Variants in SCIN observed in about 807,000 individuals in gnomAD.
SCIN encodes adseverin.
SCIN carries 91 observed loss-of-function variants against 91.8 expected under a neutral mutation model. The ratio of observed to expected loss-of-function variants is 0.99; its 90% CI spans 0.84 to 1.18. SCIN has a LOEUF of 1.18. Among genes scored for constraint, SCIN ranks in the 50% most tolerant of loss-of-function variants. The pLI, the probability that SCIN is intolerant of heterozygous loss-of-function variation, is 0.00. For synonymous variants in SCIN, 367 were observed against 312.6 expected (o/e 1.17, Z -1.84); for missense variants, 1,087 against 863.9 (o/e 1.26, Z -3.24).
intron 13 of SCIN, among the ~76,000 whole-genome samples, chr7:12,646,699 A>T (rs1358679778): frequency 1.3e-5 from 2 of 152,230 alleles, no homozygotes; most frequent in African/African-American, 4.8e-5. Context: ...TCTTTTATAT[A>T]AAATTTGATC....
intron 14 of SCIN, among the ~76,000 whole-genome samples, chr7:12,650,478 C>A (rs999067238): frequency 2.6e-5 from 4 of 152,174 alleles, no homozygotes; most frequent in African/African-American, 7.2e-5. Flanking sequence ...ATTTCCCATG[C>A]CACATTTCAT....
At chr7:12,575,227 T>G (rs1343677185) in intron 1 of SCIN, among the ~76,000 whole-genome samples, 1 of 151,884 alleles carries the variant, frequency 6.6e-6, no homozygotes, top group Non-Finnish European at 1.5e-5. Context: ...TTTTTATTTC[T>G]AGGAGAGTTT....
At chr7:12,602,054 G>A (rs762858600) in intron 3 of SCIN, among the ~76,000 whole-genome samples, 4 of 152,078 alleles carry the variant, frequency 2.6e-5, no homozygotes, top group South Asian at 2.1e-4. Context: ...GCCAGATATC[G>A]GCGGAACCCG....
At chr7:12,625,915 A>G (rs2115274532) in intron 7 of SCIN, 65 bp downstream of exon 7, 1 of 1,181,912 alleles carries the variant, frequency 8.5e-7, no homozygotes, top group Middle Eastern at 2.0e-4. Context: ...CATCTCCACG[A>G]AACTCATGAA....
intron 4 of SCIN, 104 bp downstream of exon 4, chr7:12,604,767 AAG>A: frequency 1.0e-6 from 1 of 958,410 alleles, no homozygotes. Context: ...AAGAAGGGGA[AAG>A]AGATTCAACA....
At chr7:12,621,484 T>G (rs78943937) in intron 4 of SCIN, among the ~76,000 whole-genome samples, 5,779 of 152,214 alleles carry the variant, frequency 0.038, 132 homozygotes, top group Non-Finnish European at 0.057. Flanking sequence ...ATATTAGATA[T>G]GCCCTTAACA....
intron 7 of SCIN, 85 bp from the exon 8 acceptor site, chr7:12,626,499 C>A (rs900874645): frequency 9.3e-7 from 1 of 1,079,626 alleles, no homozygotes; most frequent in Non-Finnish European, 1.3e-6. Context: ...TTTCCATTTC[C>A]TTACTTTTGT....
intron 1 of SCIN, among the ~76,000 whole-genome samples, chr7:12,572,993 CAG>C (rs1488672473): frequency 6.6e-6 from 1 of 151,644 alleles, no homozygotes; most frequent in Non-Finnish European, 1.5e-5. Context: ...TATTGGGAAA[CAG>C]AAGCCTTTAG....
chr7:12,624,525 G>C (rs1783472876), intron 5 of SCIN, among the ~76,000 whole-genome samples: 1 of 152,180 alleles, frequency 6.6e-6, no homozygotes, highest in African/African-American at 2.4e-5. Flanking sequence ...GTATATGGTA[G>C]ACAGTAAATG....
intron 3 of SCIN, among the ~76,000 whole-genome samples, chr7:12,588,277 G>A (rs1400215641): frequency 6.6e-6 from 1 of 152,214 alleles, no homozygotes; most frequent in Non-Finnish European, 1.5e-5. Context: ...CGTGCCGAGT[G>A]AATAGAATTG....
At chr7:12,627,588 G>T (rs1783553230) in intron 8 of SCIN, among the ~76,000 whole-genome samples, 1 of 152,166 alleles carries the variant, frequency 6.6e-6, no homozygotes. Context: ...ATATGGTCAA[G>T]AAATTAGGGA....
chr7:12,571,158 T>C (rs1371617853), intron 1 of SCIN, 173 bp downstream of exon 1: 1 of 693,824 alleles, frequency 1.4e-6, no homozygotes, highest in African/African-American at 1.8e-5. Context: ...CGAAGTCAAC[T>C]CGCCGGCTGC....
At chr7:12,574,857 C>G (rs1010584447) in intron 1 of SCIN, among the ~76,000 whole-genome samples, 1 of 152,006 alleles carries the variant, frequency 6.6e-6, no homozygotes, top group African/African-American at 2.4e-5. Context: ...TGCAATAAGC[C>G]TGTATATGTC....
chr7:12,646,614 CA>C lies in SCIN; in HGVS notation c.1881+1919del, dbSNP rs1300165183. ...GAACCACAGCCTCTCACCTAAATTTCAAAAAAAAAAGTTATACTTTCTCTGT... is the reference window on the plus strand; with the variant it reads ...GAACCACAGCCTCTCACCTAAATTTCAAAAAAAAAGTTATACTTTCTCTGT... On this transcript the variant is annotated intron_variant, in intron 13 of 15. Transcript: ENST00000297029. Among the ~76,000 whole-genome samples the C allele has an allele frequency of 2.9e-4, 43 of 148,486 alleles. 3 individuals are homozygous for C. Among genetic ancestry groups the C allele is most frequent in the Admixed American group, 2.0e-3 (30 of 14,936 alleles).
chr7:12,606,442 A>G (rs1783081329), intron 4 of SCIN, among the ~76,000 whole-genome samples: 1 of 152,216 alleles, frequency 6.6e-6, no homozygotes, highest in Admixed American at 6.5e-5. Flanking sequence ...AAATCCAGTG[A>G]TCAGAAATTA....
intron 4 of SCIN, among the ~76,000 whole-genome samples, chr7:12,615,514 C>T (rs1783280638): frequency 6.6e-6 from 1 of 152,234 alleles, no homozygotes; most frequent in African/African-American, 2.4e-5. Flanking sequence ...CATCCCCAGC[C>T]ATGCGGAACG....
At chr7:12,596,163 G>C (rs1331250106) in intron 3 of SCIN, 2 of 302,912 alleles carry the variant, frequency 6.6e-6, no homozygotes, top group Non-Finnish European at 1.3e-5. Context: ...CCCTTAGGGT[G>C]GGCTGCCTTC....
chr7:12,622,810 G>T lies in SCIN; in HGVS notation c.676G>T (p.Glu226Ter), dbSNP rs1378107106. The T allele has an allele frequency of 6.2e-7, 1 of 1,612,742 alleles. No homozygotes were observed. The highest frequency in any genetic ancestry group is 2.2e-5 in the East Asian group (1 of 44,836). ...GCTCACTTTTTTCCAGGTCTTAGGGGAAAAGCCAGAGCTTCCAGATGGAGG... is the reference window on the plus strand; with the variant it reads ...GCTCACTTTTTTCCAGGTCTTAGGGTAAAAGCCAGAGCTTCCAGATGGAGG... ...EPSELIKVLGEKPELPDGGDD... is the reference protein window; with the variant it reads ...EPSELIKVLG Residue 226 changes from glutamate (E) to a stop codon, truncating the protein, a stop_gained, in exon 5 of 16, where the codon GAA (glutamate) becomes TAA (stop). Transcript: ENST00000297029. LOFTEE classifies it high-confidence loss of function.
At chr7:12,629,350 A>C (rs1020776745) in intron 9 of SCIN, 128 bp downstream of exon 9, 1 of 851,490 alleles carries the variant, frequency 1.2e-6, no homozygotes, top group African/African-American at 1.7e-5. Context: ...TAGCATGCAT[A>C]TAGTATTTTC....
Sources: allele counts gnomAD v4.1 joint callset (sites outside exome capture counted in the v4.1 genomes callset), GRCh38; gene constraint gnomAD v4.1.1; transcripts MANE v1.5; gene names NCBI Gene and HGNC (gene_info 2026-07-23, HGNC 2026-07-21).